The following GABRG3 variants were observed in gnomAD, a reference collection of about 807,000 sequenced individuals.
GABRG3 encodes the protein gamma-aminobutyric acid receptor subunit gamma-3.
GABRG3 carries 25 observed loss-of-function variants against 48.8 expected under a neutral mutation model. The observed-to-expected ratio is 0.51, with a 90% CI of 0.37 to 0.72. The LOEUF (loss-of-function observed/expected upper bound fraction) is 0.72, where lower values mean the gene tolerates loss of function less well. Among genes scored for constraint, GABRG3 ranks in the 30% least tolerant of loss-of-function variants. GABRG3 has a pLI of 0.00. For synonymous variants in GABRG3, 227 were observed against 217.6 expected (o/e 1.04, Z -0.38); for missense variants, 394 against 577.9 (o/e 0.68, Z 3.26).
At position 27,285,152 on chromosome 15, in the gene GABRG3, T is replaced by C. The variant is rs899860746; in HGVS notation, c.271-41657T>C. On this transcript the variant is annotated intron_variant, in intron 3 of 9. Coordinates refer to ENST00000615808, the MANE Select transcript of GABRG3 (RefSeq NM_033223.5). ...GCTCCTTCCTACCCAGCTCAGCTGG[T>C]GTAGTTTCCAGAATTTTAGACTGAA... 1.3e-4 allele frequency among the ~76,000 whole-genome samples: 20 copies of C among 152,160 alleles called. 1 individual carries two copies. The highest frequency in any genetic ancestry group is 4.6e-4 in the African/African-American group (19 of 41,524).
chr15:27,502,629 C>G (rs1309909746), intron 6 of GABRG3, among the ~76,000 whole-genome samples: 1 of 152,234 alleles, frequency 6.6e-6, no homozygotes, highest in Non-Finnish European at 1.5e-5. Flanking sequence ...ACTTAAGACA[C>G]CAGTCCCAAG....
chr15:27,262,164 G>A (rs1356518540), intron 3 of GABRG3, among the ~76,000 whole-genome samples: 2 of 152,162 alleles, frequency 1.3e-5, no homozygotes, highest in Non-Finnish European at 2.9e-5. Context: ...CCCTGAAGGA[G>A]AAGGAAAGGT....
chr15:27,216,744 T>TAA lies in GABRG3; in HGVS notation c.271-110065_271-110064insAA, dbSNP rs1485237569. 2.7e-4 allele frequency among the ~76,000 whole-genome samples: 37 copies of TAA among 138,592 alleles called. 1 individual carries two copies. The highest frequency in any genetic ancestry group is 9.1e-4 in the African/African-American group (31 of 34,072). The allele number at this position is 138,592 out of a possible 152,430, so 90.9% of individuals were successfully genotyped here. On this transcript the variant is annotated intron_variant, in intron 3 of 9. Transcript: ENST00000615808. The stretch of plus-strand genomic sequence containing the variant: ...TGACCAATTCATTTCTTTTTTTTTT[T>TAA]TTATTTTTTATTTATTTATTTATTT...
intron 3 of GABRG3, among the ~76,000 whole-genome samples, chr15:27,227,854 C>A (rs1029791156): frequency 6.6e-6 from 1 of 152,162 alleles, no homozygotes; most frequent in Non-Finnish European, 1.5e-5. Context: ...GCCTACCCAG[C>A]ATGTTTTTCT....
intron 3 of GABRG3, among the ~76,000 whole-genome samples, chr15:27,289,310 A>T (rs1246631093): frequency 6.6e-6 from 1 of 151,804 alleles, no homozygotes; most frequent in Non-Finnish European, 1.5e-5. Context: ...CAAATGTTTA[A>T]ATCTAACAAG....
At chr15:27,036,991 T>G (rs1896190605) in intron 3 of GABRG3, among the ~76,000 whole-genome samples, 1 of 152,128 alleles carries the variant, frequency 6.6e-6, no homozygotes, top group African/African-American at 2.4e-5. Context: ...AAGGGAGATT[T>G]GGAAACGACT....
intron 3 of GABRG3, among the ~76,000 whole-genome samples, chr15:27,256,112 G>T (rs758243072): frequency 6.6e-6 from 1 of 152,244 alleles, no homozygotes; most frequent in Non-Finnish European, 1.5e-5. Flanking sequence ...TTTGTAAGAG[G>T]GAGGCAAGAG....
intron 6 of GABRG3, among the ~76,000 whole-genome samples, chr15:27,514,596 A>G (rs533771314): frequency 1.1e-4 from 17 of 152,350 alleles, no homozygotes; most frequent in African/African-American, 4.1e-4. Flanking sequence ...AAATTTATTC[A>G]TCTTTGCCGT....
chr15:27,247,952 G>A (rs1448622862), intron 3 of GABRG3, among the ~76,000 whole-genome samples: 1 of 152,184 alleles, frequency 6.6e-6, no homozygotes, highest in Non-Finnish European at 1.5e-5. Flanking sequence ...TTTGGGTGGG[G>A]ACACAGAGCC....
chr15:27,071,010 G>T (rs1244520212), intron 3 of GABRG3, among the ~76,000 whole-genome samples: 1 of 152,178 alleles, frequency 6.6e-6, no homozygotes, highest in Admixed American at 6.5e-5. Flanking sequence ...GCTTTCTAAT[G>T]CCCTGTTCAT....
chr15:27,230,628 T>C (rs1889767148), intron 3 of GABRG3, among the ~76,000 whole-genome samples: 1 of 152,204 alleles, frequency 6.6e-6, no homozygotes, highest in African/African-American at 2.4e-5. Context: ...TTGCTTATGG[T>C]TTGGGTGAAT....
At chr15:27,076,006 C>T (rs1390548586) in intron 3 of GABRG3, among the ~76,000 whole-genome samples, 3 of 152,290 alleles carry the variant, frequency 2.0e-5, no homozygotes, top group Admixed American at 6.5e-5. Flanking sequence ...TGTGTCCCCG[C>T]GCTGAGGGTT....
At chr15:27,376,615 C>T (rs1350340492) in intron 5 of GABRG3, among the ~76,000 whole-genome samples, 1 of 152,202 alleles carries the variant, frequency 6.6e-6, no homozygotes, top group East Asian at 1.9e-4. Context: ...CTTGCACCCT[C>T]TGAAGCCATG....
At chr15:27,243,661 G>A (rs967490095) in intron 3 of GABRG3, among the ~76,000 whole-genome samples, 2 of 152,154 alleles carry the variant, frequency 1.3e-5, no homozygotes, top group African/African-American at 4.8e-5. Flanking sequence ...TGCTGCAAAC[G>A]TTGTTGCTCA....
intron 3 of GABRG3, among the ~76,000 whole-genome samples, chr15:27,090,966 T>C (rs577958020): frequency 6.6e-5 from 10 of 152,334 alleles, no homozygotes; most frequent in Admixed American, 2.0e-4. Flanking sequence ...TAGTTTTATT[T>C]CTTCCTTTAC....
At chr15:27,205,714 A>AT (rs576106850) in intron 3 of GABRG3, among the ~76,000 whole-genome samples, 229 of 142,938 alleles carry the variant, frequency 1.6e-3, no homozygotes, top group African/African-American at 2.0e-3. Flanking sequence ...GGTTGGTAGG[A>AT]TTTTTTTTTT....
chr15:27,450,904 A>G (rs1483831370), intron 5 of GABRG3, among the ~76,000 whole-genome samples: 1 of 152,240 alleles, frequency 6.6e-6, no homozygotes, highest in Non-Finnish European at 1.5e-5. Context: ...TTGCCTTTCT[A>G]TACATTAACA....
At chr15:27,306,572 GTT>G (rs1369073463) in intron 3 of GABRG3, among the ~76,000 whole-genome samples, 1 of 42,162 alleles carries the variant, frequency 2.4e-5, no homozygotes, top group Non-Finnish European at 9.7e-5. Context: ...AAACATATAT[GTT>G]TATATATAAA....
In GABRG3 at chr15:27,541,052, T is replaced by C. The variant is rs918250526; in HGVS notation, c.*8171T>C. On this transcript the variant is annotated 3_prime_UTR_variant, in exon 10 of 10. Transcript: ENST00000615808. The stretch of plus-strand genomic sequence containing the variant: ...AGAGAGAAAGTGGCAATCTGTACAT[T>C]TCCTGACAAAGTGGGATCATGTTCT... 2.0e-5 allele frequency: 3 copies of C among 152,192 alleles called. No homozygotes were observed. The highest frequency in any genetic ancestry group is 7.2e-5 in the African/African-American group (3 of 41,420). The allele number at this position is 152,192 out of a possible 1,614,324, so 9.4% of individuals were successfully genotyped here.
Sources: allele counts gnomAD v4.1 joint callset (sites outside exome capture counted in the v4.1 genomes callset), GRCh38; gene constraint gnomAD v4.1.1; transcripts MANE v1.5; gene names NCBI Gene and HGNC (gene_info 2026-07-23, HGNC 2026-07-21).